SCAPER: variants seen among roughly 807,000 people sequenced by gnomAD.
SCAPER encodes the protein S-phase cyclin A associated protein in the ER.
In SCAPER, 98 loss-of-function variants were observed where a neutral mutation model predicts 182.2. The observed-to-expected ratio is 0.54, with a 90% CI of 0.46 to 0.64. SCAPER has a LOEUF of 0.64. SCAPER is among the 30% of genes least tolerant of loss of function. SCAPER has a pLI of 0.00. For synonymous variants in SCAPER, 605 were observed against 564.6 expected (o/e 1.07, Z -1.01); for missense variants, 1,432 against 1,690.0 (o/e 0.85, Z 2.68).
chr15:76,615,785 A>C (rs2051424098), intron 22 of SCAPER, among the ~76,000 whole-genome samples: 1 of 147,924 alleles, frequency 6.8e-6, no homozygotes, highest in African/African-American at 2.5e-5. Context: ...CCACCATTGC[A>C]CTCCAGCCTG....
intron 1 of SCAPER, among the ~76,000 whole-genome samples, chr15:76,900,917 A>G (rs1197807029): frequency 2.6e-5 from 4 of 152,256 alleles, no homozygotes; most frequent in Admixed American, 6.5e-5. Context: ...CAGGGTTCAC[A>G]AAGTCTGTCA....
chr15:76,682,468 C>A (rs1311841371), intron 20 of SCAPER, among the ~76,000 whole-genome samples: 2 of 152,064 alleles, frequency 1.3e-5, no homozygotes, highest in Non-Finnish European at 2.9e-5. Flanking sequence ...AACACAAATG[C>A]TGGAAATCCT....
At chr15:76,716,706 G>A (rs556725900) in intron 17 of SCAPER, among the ~76,000 whole-genome samples, 52 of 151,680 alleles carry the variant, frequency 3.4e-4, no homozygotes, top group Middle Eastern at 3.4e-3. Flanking sequence ...AGATCAAGCA[G>A]AAGAAAGAAC....
At chr15:76,537,720 G>A (rs1357786626) in intron 23 of SCAPER, among the ~76,000 whole-genome samples, 1 of 152,066 alleles carries the variant, frequency 6.6e-6, no homozygotes, top group Non-Finnish European at 1.5e-5. Context: ...TGACAAATGG[G>A]ATCCAATTAA....
At chr15:76,617,710 C>T (rs1010928740) in intron 22 of SCAPER, among the ~76,000 whole-genome samples, 5 of 152,124 alleles carry the variant, frequency 3.3e-5, no homozygotes, top group South Asian at 2.1e-4. Context: ...ACCATAGACC[C>T]GTGAGGCTAA....
At chr15:76,726,060 G>A (rs1450787524) in intron 17 of SCAPER, among the ~76,000 whole-genome samples, 1 of 140,164 alleles carries the variant, frequency 7.1e-6, no homozygotes, top group Non-Finnish European at 1.5e-5. Context: ...AAAATGAAAA[G>A]TCAACCTACA....
intron 1 of SCAPER, among the ~76,000 whole-genome samples, chr15:76,890,632 T>C (rs1334465549): frequency 6.6e-6 from 1 of 152,136 alleles, no homozygotes; most frequent in Non-Finnish European, 1.5e-5. Context: ...AAGCTGAATC[T>C]CTGAATAGAC....
intron 20 of SCAPER, among the ~76,000 whole-genome samples, chr15:76,689,007 G>A (rs544921588): frequency 4.6e-5 from 7 of 151,556 alleles, no homozygotes; most frequent in South Asian, 2.1e-4. Flanking sequence ...CGTCACCACG[G>A]CCAGCTAATT....
chr15:76,858,122 C>G (rs527459534), intron 3 of SCAPER, among the ~76,000 whole-genome samples: 1 of 152,142 alleles, frequency 6.6e-6, no homozygotes, highest in African/African-American at 2.4e-5. Flanking sequence ...TATTGAATAC[C>G]TTTCTCTGAA....
At chr15:76,562,863 C>G (rs1009480669) in intron 23 of SCAPER, among the ~76,000 whole-genome samples, 3 of 152,074 alleles carry the variant, frequency 2.0e-5, no homozygotes, top group Admixed American at 6.6e-5. Flanking sequence ...TGGATAAATA[C>G]CACTGTGACA....
In SCAPER at chr15:76,686,665, A is replaced by C. The variant is rs116539288; in HGVS notation, c.2508+15093T>G. On this transcript the variant is annotated intron_variant, in intron 20 of 31. Coordinates refer to ENST00000563290, the MANE Select transcript of SCAPER (RefSeq NM_020843.4). ...TAAAAACAACATAAACACCAATCAA[A>C]AGGATAGTAAATAAATCGTGTATAA... Among the ~76,000 whole-genome samples, 1,237 of 152,244 alleles carry C rather than the reference A, an allele frequency of 8.1e-3. 11 individuals are homozygous for C. The highest frequency in any genetic ancestry group is 0.028 in the African/African-American group (1,173 of 41,572).
At chr15:76,455,107 GA>G (rs2048631637) in intron 25 of SCAPER, among the ~76,000 whole-genome samples, 1 of 151,950 alleles carries the variant, frequency 6.6e-6, no homozygotes, top group Admixed American at 6.6e-5. Flanking sequence ...TCTAATTTAT[GA>G]AGCCTAAGTA....
chr15:76,542,020 CT>C (rs1440048900), intron 23 of SCAPER, among the ~76,000 whole-genome samples: 7 of 152,076 alleles, frequency 4.6e-5, no homozygotes, highest in Admixed American at 4.6e-4. Context: ...AAGATAAAAG[CT>C]ATTTCGGAAA....
At chr15:76,365,604 G>A (rs997671703) in intron 29 of SCAPER, among the ~76,000 whole-genome samples, 9 of 152,270 alleles carry the variant, frequency 5.9e-5, no homozygotes, top group Admixed American at 5.9e-4. Context: ...CACTGACCTT[G>A]TAAATTATAC....
At position 76,574,171 on chromosome 15, in the gene SCAPER, A is replaced by G. The variant is rs1189997208; in HGVS notation, c.2825T>C (p.Ile942Thr). ...TTAGTTACACACCTCTTTTTCCAGT[A>G]TTCTAGTGATCTCTCCTAGGGTCCG... ...LDRTLGEITR[I>T]LEKENVADQI... The change falls in exon 23 of 32, where the codon ATA (isoleucine) becomes ACA (threonine). Residue 942 changes from isoleucine (I) to threonine (T), a missense_variant. Around this residue, in one of 5 missense-constraint regions of SCAPER, gnomAD observed 718 missense variants for 799.7 expected, o/e 0.90. Transcript: ENST00000563290. The G allele has an allele frequency of 1.2e-6, 2 of 1,604,892 alleles. No homozygotes were observed. The highest frequency in any genetic ancestry group is 1.7e-6 in the Non-Finnish European group (2 of 1,176,124).
intron 11 of SCAPER, among the ~76,000 whole-genome samples, chr15:76,766,349 C>T (rs1384626391): frequency 6.6e-6 from 1 of 152,078 alleles, no homozygotes; most frequent in Non-Finnish European, 1.5e-5. Flanking sequence ...CCTGATTCGG[C>T]CTCCCAAAGT....
chr15:76,792,609 T>C (rs2065070190), intron 8 of SCAPER, among the ~76,000 whole-genome samples: 1 of 152,206 alleles, frequency 6.6e-6, no homozygotes, highest in African/African-American at 2.4e-5. Context: ...ATTCTCTCCT[T>C]GTTGGAAGCC....
chr15:76,407,989 C>A (rs981257448), intron 26 of SCAPER, among the ~76,000 whole-genome samples: 2 of 151,996 alleles, frequency 1.3e-5, no homozygotes, highest in Non-Finnish European at 2.9e-5. Context: ...AAAAACAAAA[C>A]CACAACATCA....
intron 14 of SCAPER, among the ~76,000 whole-genome samples, chr15:76,756,019 G>A (rs1307588341): frequency 6.6e-6 from 1 of 152,124 alleles, no homozygotes; most frequent in African/African-American, 2.4e-5. Flanking sequence ...TTGGGAGGCA[G>A]ATAACTTCAG....
Sources: gnomAD v4.1 joint callset for allele counts (sites outside exome capture counted in the v4.1 genomes callset) on GRCh38, gnomAD v4.1.1 for gene constraint, gnomAD v4.1.1 regional missense constraint, MANE v1.5 for transcripts, NCBI Gene and HGNC (gene_info 2026-07-23, HGNC 2026-07-21) for gene names.